Variants in MPV17L observed in about 807,000 individuals in gnomAD.
MPV17L encodes the protein mpv17-like protein.
A neutral mutation model predicts 25.8 loss-of-function variants in MPV17L; 24 were observed. That is an observed-to-expected ratio of 0.93 (90% CI 0.67 to 1.31). The LOEUF is 1.31. Ranked by LOEUF, MPV17L falls within the 50% of genes most tolerant of loss-of-function variation. The pLI is 0.00. For missense variants in MPV17L, 250 were observed against 265.6 expected (o/e 0.94, Z 0.41); for synonymous variants, 102 against 115.3 (o/e 0.88, Z 0.74).
At chr16:15,400,727 T>A in intron 1 of MPV17L, 60 bp from the exon 2 acceptor site, 1 of 1,162,840 alleles carries the variant, frequency 8.6e-7, no homozygotes, top group Non-Finnish European at 1.2e-6. Flanking sequence ...AACTTAAACA[T>A]GAACTGTTAT....
Position 15,395,812 on chromosome 16 carries a change from G to T in MPV17L, c.-86G>T. 1 of 1,226,910 alleles carries T rather than the reference G, an allele frequency of 8.2e-7. No individual in the cohort carries two copies. The highest frequency in any genetic ancestry group is 1.1e-6 in the Non-Finnish European group (1 of 947,088). The allele number at this position is 1,226,910 out of a possible 1,614,324, so 76.0% of individuals were successfully genotyped here. A position where few individuals can be genotyped will look rare whatever the true frequency, so the allele number is the denominator to read the frequency against. On this transcript the variant is annotated 5_prime_UTR_variant, in exon 1 of 4. It removes the in-frame stop codon of an upstream open reading frame in the 5' UTR. Transcript: ENST00000396385. ...AGGTGCCGGCTGCTGCAGTGCAGTA[G>T]CTGCTGGAGGCTGGGGAGGCCCGGA...
chr16:15,405,285 A>G (rs1190151603), intron 2 of MPV17L, among the ~76,000 whole-genome samples: 1 of 151,304 alleles, frequency 6.6e-6, no homozygotes, highest in Non-Finnish European at 1.5e-5. Context: ...TGTAATCCTA[A>G]CCCTTTGGGT....
chr16:15,406,358 GT>G (rs915100569), intron 2 of MPV17L, among the ~76,000 whole-genome samples: 48 of 151,934 alleles, frequency 3.2e-4, no homozygotes, highest in Non-Finnish European at 4.4e-5. Context: ...ATACAAATTA[GT>G]AAAAAGAAGA....
chr16:15,401,053 T>TGG, intron 2 of MPV17L, among the ~76,000 whole-genome samples, 196 bp downstream of exon 2: 2 of 90,124 alleles, frequency 2.2e-5, no homozygotes, highest in African/African-American at 8.2e-5. Context: ...TTTGTATGTG[T>TGG]GTGTGTATAT....
Position 15,395,771 on chromosome 16 carries a change from T to C in MPV17L, c.-127T>C. On this transcript the variant is annotated 5_prime_UTR_variant, in exon 1 of 4. Transcript: ENST00000396385. The stretch of plus-strand genomic sequence containing the variant: ...GGTCGCTCAATCGCTCCGGAGCTTC[T>C]GGAGGGGGCAGATGCAGGTGCCGGC... The C allele has an allele frequency of 1.1e-6, 1 of 888,172 alleles. No individual in the cohort carries two copies. Among genetic ancestry groups the C allele is most frequent in the Non-Finnish European group, 1.6e-6 (1 of 642,494 alleles). The allele number at this position is 888,172 out of a possible 1,614,324, so 55.0% of individuals were successfully genotyped here.
intron 2 of MPV17L, among the ~76,000 whole-genome samples, chr16:15,407,020 TGCCTGGGAGTTCAAGACCA>T (rs1181664877): frequency 6.7e-6 from 1 of 150,272 alleles, no homozygotes; most frequent in East Asian, 2.0e-4. Flanking sequence ...CTACTGCTTT[TGCCTGGGAGTTCAAGACCA>T]GCCTGGGCAA....
chr16:15,409,714 G>C lies in MPV17L; in HGVS notation c.*1602G>C, dbSNP rs145522348. 2.6e-5 allele frequency: 4 copies of C among 152,200 alleles called. No individual in the cohort carries two copies. The East Asian group carries it at 7.7e-4, about 29-fold the overall frequency. 9.4% of individuals were successfully genotyped at this position (152,200 alleles called of 1,614,324 possible). A position where few individuals can be genotyped will look rare whatever the true frequency, so the allele number is the denominator to read the frequency against. The stretch of plus-strand genomic sequence containing the variant: ...AGCCTGTTTGGTGGCCTCTTCACAC[G>C]GACACGTGAGACAGTCTCCAACTCC... On this transcript the variant is annotated 3_prime_UTR_variant, in exon 4 of 4. Transcript: ENST00000396385.
chr16:15,399,102 C>A (rs562562119), intron 1 of MPV17L, among the ~76,000 whole-genome samples: 1 of 151,908 alleles, frequency 6.6e-6, no homozygotes, highest in African/African-American at 2.4e-5. Flanking sequence ...GAACTCTGTC[C>A]GCTATTAACC....
In MPV17L at chr16:15,395,840, C is replaced by T; in HGVS notation, c.-58C>T. The T allele has an allele frequency of 6.7e-6, 9 of 1,344,380 alleles. No individual in the cohort carries two copies. Among genetic ancestry groups the T allele is most frequent in the Non-Finnish European group, 8.6e-6 (9 of 1,050,316 alleles). The allele number at this position is 1,344,380 out of a possible 1,614,324, so 83.3% of individuals were successfully genotyped here. ...GCTGGAGGCTGGGGAGGCCCGGACC[C>T]GGTGCAGGAAGACGCCGACCACGCG... On this transcript the variant is annotated 5_prime_UTR_variant, in exon 1 of 4. Coordinates refer to ENST00000396385, the MANE Select transcript of MPV17L (RefSeq NM_001128423.2).
chr16:15,399,307 C>T (rs2050613849), intron 1 of MPV17L: 1 of 420,788 alleles, frequency 2.4e-6, no homozygotes, highest in African/African-American at 2.1e-5. Flanking sequence ...TTCCCTCCCT[C>T]CTAATCAGGG....
In MPV17L at chr16:15,396,208, G is replaced by A. The variant is rs1214691870; in HGVS notation, c.310+1G>A. 7 of 1,548,676 alleles carry A rather than the reference G, an allele frequency of 4.5e-6. No individual in the cohort carries two copies. The highest frequency in any genetic ancestry group is 6.1e-6 in the Non-Finnish European group (7 of 1,146,994). On this transcript the variant is annotated splice_donor_variant, in intron 1 of 3. Transcript: ENST00000396385. LOFTEE classifies it high-confidence loss of function. ...ATCGCGGTCTCGGCCTTCTATGTCG[G>A]TGAGGGGCCGGGAGGGGACCTGGGG...
intron 2 of MPV17L, among the ~76,000 whole-genome samples, chr16:15,403,678 A>G (rs1473066522): frequency 6.6e-6 from 1 of 151,818 alleles, no homozygotes; most frequent in Non-Finnish European, 1.5e-5. Flanking sequence ...GTTCAAAAAA[A>G]AAAAAAAAGA....
intron 1 of MPV17L, chr16:15,399,417 T>A (rs2050614672): frequency 2.2e-6 from 1 of 454,492 alleles, no homozygotes; most frequent in Non-Finnish European, 4.4e-6. Context: ...TTTCCTTTTC[T>A]TTTTCTGAGA....
At chr16:15,401,825 GA>G (rs1180526731) in intron 2 of MPV17L, among the ~76,000 whole-genome samples, 2 of 151,900 alleles carry the variant, frequency 1.3e-5, no homozygotes, top group African/African-American at 4.8e-5. Flanking sequence ...TCAAAAAAGA[GA>G]AAAAAGAAGA....
chr16:15,397,647 A>G (rs2050598911), intron 1 of MPV17L, among the ~76,000 whole-genome samples: 1 of 152,142 alleles, frequency 6.6e-6, no homozygotes. Context: ...ATGGGAGGGA[A>G]CTTCTCCTAA....
chr16:15,409,943 G>A lies in MPV17L; in HGVS notation c.*1831G>A, dbSNP rs2095798015. On this transcript the variant is annotated 3_prime_UTR_variant, in exon 4 of 4. Coordinates refer to ENST00000396385, the MANE Select transcript of MPV17L (RefSeq NM_001128423.2). Reference sequence around the variant, plus strand: ...TGCTTTTTAGTTTTGGGCAGATTCAGTTGACTAAAGCACCTCATTTCCCAG... The same window carrying A: ...TGCTTTTTAGTTTTGGGCAGATTCAATTGACTAAAGCACCTCATTTCCCAG... The A allele has an allele frequency of 6.6e-6, 1 of 152,162 alleles. No individual in the cohort carries two copies. The highest frequency in any genetic ancestry group is 6.6e-5 in the Admixed American group (1 of 15,262). 9.4% of individuals were successfully genotyped at this position (152,162 alleles called of 1,614,324 possible). A position where few individuals can be genotyped will look rare whatever the true frequency, so the allele number is the denominator to read the frequency against.
chr16:15,401,001 A>T, intron 2 of MPV17L, 144 bp downstream of exon 2: 1 of 399,592 alleles, frequency 2.5e-6, no homozygotes, highest in East Asian at 5.9e-5. Context: ...ATTTTCATAT[A>T]CATGTGATAA....
chr16:15,400,346 CTTTTTTTTTT>C (rs908354383), intron 1 of MPV17L, among the ~76,000 whole-genome samples: 1 of 125,134 alleles, frequency 8.0e-6, no homozygotes, highest in African/African-American at 3.0e-5. Flanking sequence ...ATTATGTTTT[CTTTTTTTTTT>C]TTTTTTTTGT....
intron 1 of MPV17L, 62 bp from the exon 2 acceptor site, chr16:15,400,725 C>A: frequency 1.7e-6 from 2 of 1,147,444 alleles, no homozygotes; most frequent in Non-Finnish European, 2.4e-6. Context: ...GAAACTTAAA[C>A]ATGAACTGTT....
Sources: gnomAD v4.1 joint callset for allele counts (sites outside exome capture counted in the v4.1 genomes callset) on GRCh38, gnomAD v4.1.1 for gene constraint, MANE v1.5 for transcripts, NCBI Gene and HGNC (gene_info 2026-07-23, HGNC 2026-07-21) for gene names.